PODXL2: variants seen among roughly 807,000 people sequenced by gnomAD.
PODXL2 encodes the protein podocalyxin-like protein 2.
In PODXL2, 17 loss-of-function variants were observed where a neutral mutation model predicts 53.4. The observed-to-expected ratio is 0.32, with a 90% CI of 0.22 to 0.48. The LOEUF (loss-of-function observed/expected upper bound fraction) is 0.48, where lower values mean the gene tolerates loss of function less well. PODXL2 is among the 20% of genes least tolerant of loss of function. The probability of loss-of-function intolerance (pLI) is 0.99; values close to 1 mark genes in which losing one functional copy is unlikely to be tolerated. For missense variants in PODXL2, 673 were observed against 760.0 expected (o/e 0.89, Z 1.35); for synonymous variants, 311 against 306.7 (o/e 1.01, Z -0.15).
At chr3:127,642,303 A>G (rs1270027554) in intron 2 of PODXL2, among the ~76,000 whole-genome samples, 1 of 151,998 alleles carries the variant, frequency 6.6e-6, no homozygotes, top group Non-Finnish European at 1.5e-5. Flanking sequence ...AAAAAAAAAA[A>G]AAAAAGATGT....
chr3:127,651,033 G>C (rs1220234126), intron 2 of PODXL2, among the ~76,000 whole-genome samples: 1 of 152,192 alleles, frequency 6.6e-6, no homozygotes, highest in African/African-American at 2.4e-5. Flanking sequence ...GGGAGGCCGA[G>C]ACGGGTGGAT....
At chr3:127,648,117 T>C (rs748333758) in intron 2 of PODXL2, among the ~76,000 whole-genome samples, 1 of 152,240 alleles carries the variant, frequency 6.6e-6, no homozygotes, top group Non-Finnish European at 1.5e-5. Flanking sequence ...AGAAGCTGGC[T>C]GACAGAGATT....
chr3:127,672,401 C>T lies in PODXL2; in HGVS notation c.1739C>T (p.Pro580Leu), dbSNP rs982889412. 11 of 1,543,788 alleles carry T rather than the reference C, an allele frequency of 7.1e-6. No homozygotes were observed. The highest frequency in any genetic ancestry group is 1.2e-5 in the South Asian group (1 of 84,004). Residue 580 changes from proline (P) to leucine (L), a missense_variant, in exon 8 of 8, where the codon CCG becomes CTG. By Grantham distance (98) the Pro-to-Leu change is moderately conservative. Transcript: ENST00000342480. The stretch of plus-strand genomic sequence containing the variant: ...AACGGCGGCGGGGCCCTCAACGGCC[C>T]GGGGAGCTGGGGGGCGCTCATGGGG... ...SLNGGGALNGPGSWGALMGGK... is the reference protein window; with the variant it reads ...SLNGGGALNGLGSWGALMGGK...
chr3:127,632,346 C>A (rs2074552586), intron 1 of PODXL2, among the ~76,000 whole-genome samples: 1 of 152,218 alleles, frequency 6.6e-6, no homozygotes, highest in Non-Finnish European at 1.5e-5. Context: ...GTTTGAGAGA[C>A]AACCCGTGTT....
rs1413295850 is a variant in PODXL2 at position 127,665,446 on chromosome 3, A to G, written c.1207-2995A>G. 2.6e-5 allele frequency among the ~76,000 whole-genome samples: 4 copies of G among 152,244 alleles called. No individual in the cohort carries two copies. The East Asian group carries it at 7.7e-4, about 29-fold the overall frequency. On this transcript the variant is annotated intron_variant, in intron 4 of 7. Transcript: ENST00000342480. ...GATCTAGAGAAAGTGATGCAGGCTC[A>G]GTGGCTTCTATTTTACCTAGATGTC... is the stretch of plus-strand genomic sequence containing the variant.
chr3:127,664,944 T>C (rs1424175714), intron 4 of PODXL2, among the ~76,000 whole-genome samples: 1 of 152,194 alleles, frequency 6.6e-6, no homozygotes, highest in Non-Finnish European at 1.5e-5. Flanking sequence ...TTTCAAACCA[T>C]TTGAGAAAAA....
In PODXL2 at chr3:127,639,542, A is replaced by AGAGCATGTGTTGAGTGCC. The variant is rs752393742; in HGVS notation, c.349+20_349+37dup. The AGAGCATGTGTTGAGTGCC allele has an allele frequency of 1.7e-5, 27 of 1,596,318 alleles. No homozygotes were observed. In the Admixed American group the frequency reaches 4.5e-4, roughly 27 times the overall value. On this transcript the variant is annotated intron_variant, in intron 2 of 7. Transcript: ENST00000342480. ...ACTGCAGGTAGCTCTTCTTACCTACAGAGCATGTGTTGAGTGCCAGCCAAG... is the reference window on the plus strand; with the variant it reads ...ACTGCAGGTAGCTCTTCTTACCTACAGAGCATGTGTTGAGTGCCGAGCATGTGTTGAGTGCCAGCCAAG...
At chr3:127,630,381 C>G (rs2074535868) in intron 1 of PODXL2, among the ~76,000 whole-genome samples, 1 of 152,234 alleles carries the variant, frequency 6.6e-6, no homozygotes, top group Non-Finnish European at 1.5e-5. Flanking sequence ...ACTTCTGATG[C>G]ACACGTCAAA....
Position 127,660,862 on chromosome 3 carries a change from G to C in PODXL2, c.834G>C (p.Glu278Asp). The C allele has an allele frequency of 6.2e-7, 1 of 1,614,248 alleles. No individual in the cohort carries two copies. Among genetic ancestry groups the C allele is most frequent in the South Asian group, 1.1e-5 (1 of 91,088 alleles). Residue 278 changes from glutamate (E) to aspartate (D), a missense_variant, in exon 3 of 8, where the codon GAG (glutamate) becomes GAC (aspartate). Coordinates refer to ENST00000342480, the MANE Select transcript of PODXL2 (RefSeq NM_015720.4). ...TVLPAAGLGVEFEAPQEASEE... is the reference protein window; with the variant it reads ...TVLPAAGLGVDFEAPQEASEE... The stretch of plus-strand genomic sequence containing the variant: ...TGCCAGCTGCAGGGCTTGGGGTAGA[G>C]TTCGAGGCTCCTCAGGAAGCAAGCG...
chr3:127,671,556 T>A lies in PODXL2; in HGVS notation c.1548T>A (p.Ile516=), dbSNP rs911210013. Residue 516 remains isoleucine, a synonymous_variant, in exon 7 of 8, where the codon ATT becomes ATA. Coordinates refer to ENST00000342480, the MANE Select transcript of PODXL2 (RefSeq NM_015720.4). Reference sequence around the variant, plus strand: ...TTGGGGCCATCTGCATCATCATCATTGCGCTTGGCCTGCTCTACAACTGCT... The same window carrying A: ...TTGGGGCCATCTGCATCATCATCATAGCGCTTGGCCTGCTCTACAACTGCT... ...VVIGAICIII[I]ALGLLYNCWQ... The A allele has an allele frequency of 8.7e-6, 14 of 1,614,002 alleles. No homozygotes were observed. Among genetic ancestry groups the A allele is most frequent in the Admixed American group, 1.7e-5 (1 of 60,004 alleles).
At chr3:127,640,854 CATAAGT>C (rs1308900309) in intron 2 of PODXL2, among the ~76,000 whole-genome samples, 46 of 152,300 alleles carry the variant, frequency 3.0e-4, no homozygotes, top group African/African-American at 1.1e-3. Flanking sequence ...CAAAATATTT[CATAAGT>C]ATATTTCCGC....
chr3:127,652,711 G>T (rs1006508538), intron 2 of PODXL2, among the ~76,000 whole-genome samples: 2 of 152,138 alleles, frequency 1.3e-5, no homozygotes, highest in African/African-American at 4.8e-5. Context: ...CCAGGTGTGG[G>T]GCTCTAGAGG....
At chr3:127,649,158 A>G (rs1008575810) in intron 2 of PODXL2, among the ~76,000 whole-genome samples, 14 of 152,344 alleles carry the variant, frequency 9.2e-5, no homozygotes, top group African/African-American at 3.1e-4. Flanking sequence ...AAAAATGGAC[A>G]ATAGTGGACA....
rs1300367456 is a variant in PODXL2, at chr3:127,660,839, C to T, written c.811C>T (p.Pro271Ser). 6.2e-7 allele frequency: 1 copy of T among 1,614,254 alleles called. No individual in the cohort carries two copies. The highest frequency in any genetic ancestry group is 2.2e-5 in the East Asian group (1 of 44,886). ...CCAAGAGGCAGAGGCCACAGTGCTG[C>T]CAGCTGCAGGGCTTGGGGTAGAGTT... ...TSQEAEATVL[P>S]AAGLGVEFEA... The change falls in exon 3 of 8, where the codon CCA becomes TCA. Residue 271 changes from proline (P) to serine (S), a missense_variant. By Grantham distance (74) the Pro-to-Ser change is moderately conservative (BLOSUM62 -1). Coordinates refer to ENST00000342480, the MANE Select transcript of PODXL2 (RefSeq NM_015720.4).
At chr3:127,664,487 C>A (rs2074784246) in intron 4 of PODXL2, among the ~76,000 whole-genome samples, 1 of 152,072 alleles carries the variant, frequency 6.6e-6, no homozygotes, top group Non-Finnish European at 1.5e-5. Context: ...ATCTTCAAGA[C>A]TCTGTTTTTA....
At chr3:127,644,657 C>T (rs780006871) in intron 2 of PODXL2, among the ~76,000 whole-genome samples, 1 of 152,196 alleles carries the variant, frequency 6.6e-6, no homozygotes, top group Non-Finnish European at 1.5e-5. Flanking sequence ...CCATTTCCTT[C>T]CCTAGGTCTC....
intron 1 of PODXL2, among the ~76,000 whole-genome samples, chr3:127,634,805 C>T (rs1266957336): frequency 6.6e-6 from 1 of 152,198 alleles, no homozygotes; most frequent in Non-Finnish European, 1.5e-5. Flanking sequence ...AGACCAGCAG[C>T]ATCAGTCACA....
intron 2 of PODXL2, among the ~76,000 whole-genome samples, chr3:127,647,283 A>G (rs2074662529): frequency 6.6e-6 from 1 of 152,208 alleles, no homozygotes; most frequent in African/African-American, 2.4e-5. Flanking sequence ...GCTAGCATCA[A>G]GTGAAGTTAC....
At position 127,672,583 on chromosome 3, in the gene PODXL2, C is replaced by A; in HGVS notation, c.*103C>A. The A allele has an allele frequency of 1.4e-6, 1 of 737,496 alleles. No individual in the cohort carries two copies. The allele number at this position is 737,496 out of a possible 1,614,324, so 45.7% of individuals were successfully genotyped here. On this transcript the variant is annotated 3_prime_UTR_variant, in exon 8 of 8. Transcript: ENST00000342480. ...ACCAGCCCCGCGCCTACCCGGGCCG[C>A]CCCCGCGGCCTGGCCCTCGGCGCGG...
Sources: gnomAD v4.1 joint callset for allele counts (sites outside exome capture counted in the v4.1 genomes callset) on GRCh38, gnomAD v4.1.1 for gene constraint, MANE v1.5 for transcripts, NCBI Gene and HGNC (gene_info 2026-07-23, HGNC 2026-07-21) for gene names.